Variants in BCL3 observed in about 807,000 individuals in gnomAD.
BCL3 encodes the protein BCL3 transcription coactivator, also known as B-cell lymphoma 3 protein.
A neutral mutation model predicts 35.7 loss-of-function variants in BCL3; 15 were observed. The ratio of observed to expected loss-of-function variants is 0.42; its 90% CI spans 0.28 to 0.65. BCL3 has a LOEUF of 0.65. Ranked by LOEUF, BCL3 falls within the 30% of genes least tolerant of loss-of-function variation. The pLI, the probability that BCL3 is intolerant of heterozygous loss-of-function variation, is 0.22. For missense variants in BCL3, 565 were observed against 641.7 expected (o/e 0.88, Z 1.29); for synonymous variants, 311 against 284.3 (o/e 1.09, Z -0.95).
At position 44,748,982 on chromosome 19, in the gene BCL3, C is replaced by A; in HGVS notation, c.192C>A (p.Cys64Ter). ...VVPLDPLRGGCDLPAVPGPPH... is the reference protein window; with the variant it reads ...VVPLDPLRGG The stretch of plus-strand genomic sequence containing the variant: ...CCCTGGACCCTCTGCGCGGCGGCTG[C>A]GACCTGCCGGCGGTCCCCGGGCCCC... The change falls in exon 1 of 9, where the codon TGC becomes TGA. Residue 64 changes from cysteine (C) to a stop codon, truncating the protein, a stop_gained. Transcript: ENST00000164227. LOFTEE classifies it high-confidence loss of function. The A allele has an allele frequency of 7.2e-7, 1 of 1,380,412 alleles. No homozygotes were observed. The allele number at this position is 1,380,412 out of a possible 1,614,324, so 85.5% of individuals were successfully genotyped here.
chr19:44,757,456 C>T lies in BCL3; in HGVS notation c.813+41C>T. 6.9e-7 allele frequency: 1 copy of T among 1,441,186 alleles called. No individual in the cohort carries two copies. The highest frequency in any genetic ancestry group is 9.3e-7 in the Non-Finnish European group (1 of 1,071,340). 89.3% of individuals were successfully genotyped at this position (1,441,186 alleles called of 1,614,324 possible). A position where few individuals can be genotyped will look rare whatever the true frequency, so the allele number is the denominator to read the frequency against. ...GAGCTGGGAGGGAGCGGGGCCTTAGCAGGGGCGGGGTCTTGGCGGGGGCGG... is the reference window on the plus strand; with the variant it reads ...GAGCTGGGAGGGAGCGGGGCCTTAGTAGGGGCGGGGTCTTGGCGGGGGCGG... On this transcript the variant is annotated intron_variant, in intron 5 of 8. Transcript: ENST00000164227. The surrounding 1 kb of genome is among the most constrained non-coding windows in gnomAD (Gnocchi z 8.4).
At chr19:44,755,785 G>A (rs757606958) in intron 2 of BCL3, among the ~76,000 whole-genome samples, 1 of 152,162 alleles carries the variant, frequency 6.6e-6, no homozygotes, top group African/African-American at 2.4e-5. Flanking sequence ...GGGCGCGATG[G>A]CACACATCTG....
Position 44,759,586 on chromosome 19 carries a change from C to T in BCL3, c.1336C>T (p.Pro446Ser). 1 of 1,607,524 alleles carries T rather than the reference C, an allele frequency of 6.2e-7. No individual in the cohort carries two copies. The change falls in exon 9 of 9, where the codon CCC (proline) becomes TCC (serine). Residue 446 changes from proline (P) to serine (S), a missense_variant. Transcript: ENST00000164227. ...CCTCCGAGGCCCTGGCCGGCCGGTGCCCCCCTCCCCAGCTCCAGGAGGCAG... is the reference window on the plus strand; with the variant it reads ...CCTCCGAGGCCCTGGCCGGCCGGTGTCCCCCTCCCCAGCTCCAGGAGGCAG... The part of the protein sequence containing the change: ...GVLRGPGRPV[P>S]PSPAPGGS
At chr19:44,747,937 A>AC, upstream of BCL3, 14 of 1,049,962 alleles carry the variant, frequency 1.3e-5, no homozygotes, top group East Asian at 5.9e-5. Flanking sequence ...CCCCACCCTC[A>AC]CCCCACCCCC....
At position 44,759,672 on chromosome 19, in the gene BCL3, G is replaced by T. The variant is rs952279412; in HGVS notation, c.*57G>T. 7.5e-7 allele frequency: 1 copy of T among 1,334,790 alleles called. No individual in the cohort carries two copies. 82.7% of individuals were successfully genotyped at this position (1,334,790 alleles called of 1,614,324 possible). ...AGGAGGGGCCCCCCTGCCCTGTGGG[G>T]TCAACCCTTCTGGAAACTGTGAAGA... is the stretch of plus-strand genomic sequence containing the variant. On this transcript the variant is annotated 3_prime_UTR_variant, in exon 9 of 9. Coordinates refer to ENST00000164227, the MANE Select transcript of BCL3 (RefSeq NM_005178.5).
rs946505724 is a variant in BCL3 at position 44,753,838 on chromosome 19, G to A, written c.411-2394G>A. 2.2e-4 allele frequency among the ~76,000 whole-genome samples: 30 copies of A among 134,870 alleles called. No individual in the cohort carries two copies. The East Asian group carries it at 6.4e-3, about 29-fold the overall frequency. The allele number at this position is 134,870 out of a possible 152,430, so 88.5% of individuals were successfully genotyped here. On this transcript the variant is annotated intron_variant, in intron 2 of 8. Coordinates refer to ENST00000164227, the MANE Select transcript of BCL3 (RefSeq NM_005178.5). ...GCAGGAAGGCGGGGGCGGGGGGGGG[G>A]GGTGATGTTCTGATTCTCAGAAGGC...
chr19:44,751,131 T>A, intron 1 of BCL3, 96 bp from the exon 2 acceptor site: 1 of 1,472,398 alleles, frequency 6.8e-7, no homozygotes, highest in Non-Finnish European at 9.1e-7. Context: ...AAAGGGCAGG[T>A]GACACCACAG....
At chr19:44,759,221 G>T (rs762598) in intron 8 of BCL3, among the ~76,000 whole-genome samples, 1 of 13,936 alleles carries the variant, frequency 7.2e-5, no homozygotes, top group African/African-American at 2.6e-4. Context: ...TCTGACCCCC[G>T]GCCCCTCTTC....
In BCL3 at chr19:44,748,847, GC is replaced by G; in HGVS notation, c.60del (p.Lys21ArgfsTer84). On this transcript the variant is annotated frameshift_variant, in exon 1 of 9. Transcript: ENST00000164227. LOFTEE classifies it high-confidence loss of function. ...DEGPVDLRTR[P>X]KAAGLPGAAL... Reference sequence around the variant, plus strand: ...AGGGGCCCGTGGACCTGCGCACCCGGCCCAAGGCCGCCGGACTCCCGGGCGC... The same window carrying G: ...AGGGGCCCGTGGACCTGCGCACCCGGCCAAGGCCGCCGGACTCCCGGGCGC... 1 of 1,105,300 alleles carries G rather than the reference GC, an allele frequency of 9.0e-7. No homozygotes were observed. The highest frequency in any genetic ancestry group is 1.1e-6 in the Non-Finnish European group (1 of 908,562). 68.5% of individuals were successfully genotyped at this position (1,105,300 alleles called of 1,614,324 possible).
At position 44,748,744 on chromosome 19, in the gene BCL3, G is replaced by A. The variant is rs1260650980; in HGVS notation, c.-47G>A. Reference sequence around the variant, plus strand: ...CGGCGCCCGGCGAAACCACCCTCCCGTGCAGCCGAGCCCAGCCGCTCTCCG... The same window carrying A: ...CGGCGCCCGGCGAAACCACCCTCCCATGCAGCCGAGCCCAGCCGCTCTCCG... On this transcript the variant is annotated 5_prime_UTR_variant, in exon 1 of 9. In the 5' UTR this introduces an upstream ATG that the reference lacks. Coordinates refer to ENST00000164227, the MANE Select transcript of BCL3 (RefSeq NM_005178.5). 1.9e-6 allele frequency: 2 copies of A among 1,078,284 alleles called. No homozygotes were observed. Among genetic ancestry groups the A allele is most frequent in the Non-Finnish European group, 2.2e-6 (2 of 890,262 alleles). 66.8% of individuals were successfully genotyped at this position (1,078,284 alleles called of 1,614,324 possible). A position where few individuals can be genotyped will look rare whatever the true frequency, so the allele number is the denominator to read the frequency against.
At chr19:44,756,587 A>G (rs138438911) in intron 3 of BCL3, among the ~76,000 whole-genome samples, 849 of 76,932 alleles carry the variant, frequency 0.011, 16 homozygotes, top group African/African-American at 0.036. Context: ...AGGGCTGGGG[A>G]TCTGGACTCC....
At chr19:44,749,388 T>TTG (rs1485233853) in intron 1 of BCL3, among the ~76,000 whole-genome samples, 27 of 152,030 alleles carry the variant, frequency 1.8e-4, no homozygotes, top group African/African-American at 6.0e-4. Flanking sequence ...GTACAAGCTC[T>TTG]TAAGCCAGAT....
chr19:44,757,391 G>A lies in BCL3; in HGVS notation c.789G>A (p.Glu263=). Residue 263 remains glutamate (E), a synonymous_variant, in exon 5 of 9, where the codon GAG becomes GAA. Coordinates refer to ENST00000164227, the MANE Select transcript of BCL3 (RefSeq NM_005178.5). This position sits in a 1 kb window ranked among gnomAD's most constrained non-coding sequence, Gnocchi z 8.4. ...AAGAAACCGTGCAGCTCTTGCTAGA[G>A]CGCGGTGCCGACATCGACGCAGTGG... ...ECQETVQLLL[E]RGADIDAVDI... 6.2e-7 allele frequency: 1 copy of A among 1,603,416 alleles called. No homozygotes were observed. The highest frequency in any genetic ancestry group is 8.5e-7 in the Non-Finnish European group (1 of 1,175,166).
chr19:44,750,110 T>C (rs890285589), intron 1 of BCL3, among the ~76,000 whole-genome samples: 1 of 152,116 alleles, frequency 6.6e-6, no homozygotes, highest in Non-Finnish European at 1.5e-5. Flanking sequence ...CTTTAGGTAG[T>C]TTCTGCACCC....
Position 44,759,583 on chromosome 19 carries a change from G to C in BCL3, c.1333G>C (p.Val445Leu). ...GGTCCTCCGAGGCCCTGGCCGGCCGGTGCCCCCCTCCCCAGCTCCAGGAGG... is the reference window on the plus strand; with the variant it reads ...GGTCCTCCGAGGCCCTGGCCGGCCGCTGCCCCCCTCCCCAGCTCCAGGAGG... Reference protein sequence around the residue: ...AGVLRGPGRPVPPSPAPGGS With the variant: ...AGVLRGPGRPLPPSPAPGGS Residue 445 changes from valine to leucine, a missense_variant, in exon 9 of 9, where the codon GTG becomes CTG. Around this residue, in one of 5 missense-constraint regions of BCL3, gnomAD observed 151 missense variants for 138.1 expected, o/e 1.09. Transcript: ENST00000164227. 7 of 1,608,490 alleles carry C rather than the reference G, an allele frequency of 4.4e-6. No individual in the cohort carries two copies. The highest frequency in any genetic ancestry group is 5.9e-6 in the Non-Finnish European group (7 of 1,178,868).
rs545670757 is a variant in BCL3, at chr19:44,756,301, G to C, written c.480G>C (p.Gln160His). The C allele has an allele frequency of 1.3e-6, 2 of 1,545,174 alleles. No individual in the cohort carries two copies. The highest frequency in any genetic ancestry group is 2.4e-5 in the South Asian group (2 of 82,450). The change falls in exon 3 of 9, where the codon CAG becomes CAC. Residue 160 changes from glutamine to histidine, a missense_variant. Coordinates refer to ENST00000164227, the MANE Select transcript of BCL3 (RefSeq NM_005178.5). ...ACCGGCTGGTCAACCTCTTCCAGCA[G>C]GGGGGCCGGGAGCTCGACATCTACA... ...AVHRLVNLFQ[Q>H]GGRELDIYNN...
At chr19:44,759,349 C>G in intron 8 of BCL3, 79 bp from the exon 9 acceptor site, 1 of 1,057,952 alleles carries the variant, frequency 9.5e-7, no homozygotes, top group East Asian at 2.7e-5. Flanking sequence ...CTCCCTCAGA[C>G]CCAGATCTCA....
chr19:44,751,218 A>G lies in BCL3; in HGVS notation c.257-9A>G, dbSNP rs753460174. Reference sequence around the variant, plus strand: ...CACCCATGTCCCTTCTCTGTCCTCCATTGTCCAGGAGCCTTACTGCCTTTG... The same window carrying G: ...CACCCATGTCCCTTCTCTGTCCTCCGTTGTCCAGGAGCCTTACTGCCTTTG... On this transcript the variant is annotated splice_polypyrimidine_tract_variant and intron_variant, in intron 1 of 8. Transcript: ENST00000164227. The G allele has an allele frequency of 2.1e-5, 34 of 1,602,540 alleles. No individual in the cohort carries two copies. The highest frequency in any genetic ancestry group is 2.7e-5 in the African/African-American group (2 of 73,962).
In BCL3 at chr19:44,758,753, C is replaced by T. The variant is rs561236500; in HGVS notation, c.1089C>T (p.Thr363=). 4.1e-5 allele frequency: 66 copies of T among 1,605,568 alleles called. 1 individual carries two copies. In the East Asian group the frequency reaches 1.3e-3, roughly 32 times the overall value. Residue 363 remains threonine (T), a synonymous_variant, in exon 8 of 9, where the codon ACC becomes ACT. Transcript: ENST00000164227. ...RVIDILRGKA[T]RPASTSQPDP... ...TCGACATCCTGAGGGGGAAGGCCAC[C>T]CGGCCTGCTTCCACCTCCCAGCCAG...
Sources: gnomAD v4.1 joint callset for allele counts (sites outside exome capture counted in the v4.1 genomes callset) on GRCh38, gnomAD v4.1.1 for gene constraint, gnomAD v4.1.1 regional missense constraint, Gnocchi (gnomAD v3.1) non-coding constraint, MANE v1.5 for transcripts, NCBI Gene and HGNC (gene_info 2026-07-23, HGNC 2026-07-21) for gene names.